The following MLIP variants were observed in gnomAD, a reference collection of about 807,000 sequenced individuals.
MLIP encodes the protein muscular LMNA-interacting protein.
Under a neutral mutation model 84.8 loss-of-function variants are expected in MLIP, and 79 were observed. The observed-to-expected ratio is 0.93, with a 90% CI of 0.78 to 1.12. The LOEUF is 1.12. MLIP is among the 50% of genes most tolerant of loss of function. The pLI is 0.00. For synonymous variants in MLIP, 504 were observed against 463.0 expected (o/e 1.09, Z -1.14); for missense variants, 1,257 against 1,160.6 (o/e 1.08, Z -1.21).
At chr6:54,038,382 G>T (rs1410736749) in intron 1 of MLIP, among the ~76,000 whole-genome samples, 1 of 151,702 alleles carries the variant, frequency 6.6e-6, no homozygotes, top group Non-Finnish European at 1.5e-5. Flanking sequence ...TCTGTGACGA[G>T]GTTTTACTCA....
intron 13 of MLIP, 99 bp downstream of exon 13, chr6:54,257,460 T>C (rs1046139750): frequency 2.3e-6 from 2 of 885,724 alleles, no homozygotes; most frequent in Non-Finnish European, 3.5e-6. Context: ...ATTGTGCTTT[T>C]ATAACAAAAG....
In MLIP at chr6:54,138,253, C is replaced by T. The variant is rs1360269231; in HGVS notation, c.2184C>T (p.Ser728=). ...AGCTGATTTCACCTTGTGCATTGTC[C>T]ATGTCAACAGGCCCAGAAAATAAGA... ...TEELISPCAL[S]MSTGPENKKS... Residue 728 remains serine, a synonymous_variant, in exon 4 of 14, where the codon TCC becomes TCT. Coordinates refer to ENST00000502396, the MANE Select transcript of MLIP (RefSeq NM_001281747.2). 3.3e-6 allele frequency: 5 copies of T among 1,535,748 alleles called. No homozygotes were observed. Among genetic ancestry groups the T allele is most frequent in the Non-Finnish European group, 4.4e-6 (5 of 1,146,592 alleles).
intron 1 of MLIP, among the ~76,000 whole-genome samples, chr6:54,093,952 G>A (rs1220991002): frequency 6.6e-6 from 1 of 152,154 alleles, no homozygotes; most frequent in East Asian, 1.9e-4. Flanking sequence ...GATAATGAAT[G>A]TAAAGCACTT....
At chr6:54,240,969 C>T (rs1167485719) in intron 12 of MLIP, among the ~76,000 whole-genome samples, 2 of 151,584 alleles carry the variant, frequency 1.3e-5, no homozygotes, top group Non-Finnish European at 2.9e-5. Flanking sequence ...AGTGAGACTC[C>T]GTCTCAAAAA....
At chr6:54,108,837 G>T (rs373256893), upstream of MLIP, among the ~76,000 whole-genome samples, 9 of 152,116 alleles carry the variant, frequency 5.9e-5, no homozygotes, top group African/African-American at 2.2e-4. Context: ...AGAAAGAAAA[G>T]ATCAGAGAGG....
chr6:54,246,726 C>T (rs1247662135), intron 12 of MLIP, among the ~76,000 whole-genome samples: 2 of 151,952 alleles, frequency 1.3e-5, no homozygotes, highest in Non-Finnish European at 2.9e-5. Flanking sequence ...ATGTATTTAA[C>T]CTTGTTTTGC....
intron 5 of MLIP, among the ~76,000 whole-genome samples, chr6:54,152,341 T>C (rs1773539013): frequency 6.6e-6 from 1 of 152,196 alleles, no homozygotes; most frequent in South Asian, 2.1e-4. Flanking sequence ...TTAGTCTTTG[T>C]ATTAATCTGT....
intron 4 of MLIP, among the ~76,000 whole-genome samples, chr6:54,141,825 C>T (rs1259083566): frequency 4.6e-5 from 7 of 152,218 alleles, no homozygotes; most frequent in Non-Finnish European, 7.4e-5. Context: ...TGCCACTTAC[C>T]GAAGACAGTC....
intron 12 of MLIP, among the ~76,000 whole-genome samples, chr6:54,236,280 T>A (rs1457615287): frequency 6.6e-6 from 1 of 151,806 alleles, no homozygotes; most frequent in Non-Finnish European, 1.5e-5. Context: ...AATGCCCTGC[T>A]TTCTTGCTGT....
intron 10 of MLIP, among the ~76,000 whole-genome samples, chr6:54,196,949 C>T (rs746233448): frequency 7.2e-5 from 11 of 151,900 alleles, no homozygotes; most frequent in Non-Finnish European, 1.0e-4. Context: ...GATGTTTAAA[C>T]GGACATTTGA....
chr6:54,248,042 A>T (rs1214988487), intron 12 of MLIP, among the ~76,000 whole-genome samples: 1 of 152,116 alleles, frequency 6.6e-6, no homozygotes, highest in East Asian at 1.9e-4. Context: ...CTTGGATGGG[A>T]TTAACGCAGG....
rs541631723 is a variant in MLIP, at chr6:54,137,188, C to G, written c.1119C>G (p.Leu373=). The change falls in exon 4 of 14, where the codon CTC becomes CTG. Residue 373 remains leucine, a synonymous_variant. Coordinates refer to ENST00000502396, the MANE Select transcript of MLIP (RefSeq NM_001281747.2). ...YIPVRIVTHS[L]SPSPKPFTSS... is the part of the protein sequence containing the mutation. ...CAGTCCGCATTGTCACGCATTCACTCTCTCCGAGCCCCAAACCATTTACCT... is the reference window on the plus strand; with the variant it reads ...CAGTCCGCATTGTCACGCATTCACTGTCTCCGAGCCCCAAACCATTTACCT... 2.1e-5 allele frequency: 33 copies of G among 1,536,126 alleles called. No homozygotes were observed. The African/African-American group carries it at 3.7e-4, about 17-fold the overall frequency.
intron 1 of MLIP, among the ~76,000 whole-genome samples, chr6:54,074,224 T>C (rs2150347772): frequency 6.6e-6 from 1 of 152,308 alleles, no homozygotes; most frequent in East Asian, 1.9e-4. Flanking sequence ...AAATATGTAA[T>C]TGATTTTATA....
intron 1 of MLIP, among the ~76,000 whole-genome samples, chr6:54,070,012 A>T (rs1766386330): frequency 2.2e-5 from 1 of 44,984 alleles, no homozygotes; most frequent in Admixed American, 2.4e-4. Flanking sequence ...TAAGGGTTTT[A>T]AAATTTTTGT....
intron 1 of MLIP, among the ~76,000 whole-genome samples, chr6:54,085,507 C>G (rs1371666696): frequency 2.0e-5 from 3 of 152,112 alleles, no homozygotes; most frequent in Admixed American, 6.6e-5. Flanking sequence ...TCATGATTGT[C>G]TTCATCATCT....
intron 9 of MLIP, among the ~76,000 whole-genome samples, chr6:54,182,720 TACTA>T (rs920456301): frequency 3.3e-5 from 5 of 152,238 alleles, no homozygotes; most frequent in Admixed American, 6.5e-5. Context: ...TATCATTTTT[TACTA>T]ACTACCAGTA....
chr6:54,146,877 A>T (rs1321885), intron 4 of MLIP, among the ~76,000 whole-genome samples: 1 of 151,976 alleles, frequency 6.6e-6, no homozygotes, highest in Non-Finnish European at 1.5e-5. Context: ...AGTTGTTGGG[A>T]TAAAGTGCCT....
chr6:54,180,314 T>C (rs901605395), intron 9 of MLIP, among the ~76,000 whole-genome samples: 1 of 152,176 alleles, frequency 6.6e-6, no homozygotes, highest in African/African-American at 2.4e-5. Flanking sequence ...TTGGGTTAAA[T>C]CTTCCTGGTG....
intron 1 of MLIP, chr6:54,047,362 T>C (rs979748000): frequency 6.6e-6 from 1 of 152,204 alleles, no homozygotes; most frequent in Non-Finnish European, 1.5e-5. Context: ...ACAAATTCTG[T>C]TGCAGGCACT....
Sources: allele counts gnomAD v4.1 joint callset (sites outside exome capture counted in the v4.1 genomes callset), GRCh38; gene constraint gnomAD v4.1.1; transcripts MANE v1.5; gene names NCBI Gene and HGNC (gene_info 2026-07-23, HGNC 2026-07-21).